The following CEP128 variants were observed in gnomAD, a reference collection of about 807,000 sequenced individuals.
CEP128 encodes centrosomal protein 128kDa.
Under a neutral mutation model 156.7 loss-of-function variants are expected in CEP128, and 132 were observed. The ratio of observed to expected loss-of-function variants is 0.84; its 90% CI spans 0.73 to 0.97. The LOEUF is 0.97. Among genes scored for constraint, CEP128 ranks in the 50% least tolerant of loss-of-function variants. The pLI is 0.00. For synonymous variants in CEP128, 469 were observed against 448.9 expected, an observed-to-expected ratio of 1.04 and a Z score of -0.57; for missense variants, 1,252 against 1,281.9, an observed-to-expected ratio of 0.98 and a Z score of 0.36.
chr14:80,713,296 G>A (rs1897480490), intron 19 of CEP128, among the ~76,000 whole-genome samples: 1 of 152,108 alleles, frequency 6.6e-6, no homozygotes, highest in East Asian at 1.9e-4. Flanking sequence ...TTCCTCTCCT[G>A]CTTCTAATTT....
chr14:80,568,168 G>C (rs780541381), intron 20 of CEP128, among the ~76,000 whole-genome samples: 7 of 152,154 alleles, frequency 4.6e-5, no homozygotes, highest in Non-Finnish European at 7.4e-5. Context: ...GGTCTAATGA[G>C]ACTCCCTGAG....
intron 13 of CEP128, among the ~76,000 whole-genome samples, chr14:80,810,424 T>C (rs1007982082): frequency 6.6e-6 from 1 of 150,848 alleles, no homozygotes; most frequent in Non-Finnish European, 1.5e-5. Context: ...TATACCTGAA[T>C]GTAATTAAAT....
At chr14:80,560,414 G>A (rs1281252831) in intron 20 of CEP128, among the ~76,000 whole-genome samples, 1 of 152,072 alleles carries the variant, frequency 6.6e-6, no homozygotes, top group Admixed American at 6.5e-5. Flanking sequence ...AACAGAGCAA[G>A]ACTACACCTC....
intron 19 of CEP128, among the ~76,000 whole-genome samples, chr14:80,670,447 C>T (rs1354013549): frequency 2.6e-5 from 4 of 152,050 alleles, no homozygotes; most frequent in African/African-American, 9.7e-5. Flanking sequence ...TACTACTCTG[C>T]CATAAAGAAA....
intron 20 of CEP128, among the ~76,000 whole-genome samples, chr14:80,568,127 G>C (rs941127781): frequency 5.9e-5 from 9 of 152,132 alleles, no homozygotes; most frequent in African/African-American, 2.2e-4. Flanking sequence ...TACACAAAGG[G>C]TTGTGTATCT....
intron 14 of CEP128, 120 bp from the exon 15 acceptor site, chr14:80,785,665 T>C: frequency 1.4e-6 from 1 of 714,526 alleles, no homozygotes; most frequent in African/African-American, 1.8e-5. Flanking sequence ...ATTCATCAAA[T>C]AATTTTTGTA....
rs145289182 is a variant in CEP128, at chr14:80,822,307, G to A, written c.1209+8836C>T. Reference sequence around the variant, plus strand: ...TAGTTACTTCCTAGATACAATGGGGGTACAGGCATTGAGTAAATACAGCCA... The same window carrying A: ...TAGTTACTTCCTAGATACAATGGGGATACAGGCATTGAGTAAATACAGCCA... On this transcript the variant is annotated intron_variant, in intron 13 of 24. Transcript: ENST00000555265. 6.1e-3 allele frequency among the ~76,000 whole-genome samples: 931 copies of A among 152,244 alleles called. 19 individuals are homozygous for A. The highest frequency in any genetic ancestry group is 0.021 in the African/African-American group (892 of 41,536).
chr14:80,802,382 C>T (rs1350774843), intron 13 of CEP128, among the ~76,000 whole-genome samples: 5 of 152,118 alleles, frequency 3.3e-5, no homozygotes, highest in Admixed American at 6.5e-5. Context: ...ATCGTGTCCT[C>T]TGCAGGGATC....
At chr14:80,748,661 A>C (rs2139626236) in intron 18 of CEP128, among the ~76,000 whole-genome samples, 1 of 152,290 alleles carries the variant, frequency 6.6e-6, no homozygotes, top group East Asian at 1.9e-4. Flanking sequence ...ATAATAGCCA[A>C]GTTTCTAACT....
At chr14:80,554,914 T>C (rs1176886278) in intron 21 of CEP128, among the ~76,000 whole-genome samples, 1 of 152,124 alleles carries the variant, frequency 6.6e-6, no homozygotes, top group Non-Finnish European at 1.5e-5. Context: ...TCCCTTGATT[T>C]TGCTCTTTCC....
intron 19 of CEP128, among the ~76,000 whole-genome samples, chr14:80,694,114 T>G (rs1896807250): frequency 6.6e-6 from 1 of 152,016 alleles, no homozygotes; most frequent in Non-Finnish European, 1.5e-5. Context: ...AACAGACACT[T>G]CTCAAAACAA....
intron 13 of CEP128, among the ~76,000 whole-genome samples, chr14:80,803,463 C>G (rs1017364752): frequency 2.0e-5 from 3 of 151,374 alleles, no homozygotes; most frequent in African/African-American, 7.3e-5. Context: ...AAAAAAGAGA[C>G]AGAAACAGAG....
intron 2 of CEP128, among the ~76,000 whole-genome samples, chr14:80,953,505 A>T (rs1355776308): frequency 2.6e-5 from 4 of 152,204 alleles, no homozygotes; most frequent in Non-Finnish European, 5.9e-5. Context: ...GAATCCCTTG[A>T]GCCCGGGAGG....
At chr14:80,837,701 C>T (rs940829869) in intron 11 of CEP128, among the ~76,000 whole-genome samples, 2 of 152,090 alleles carry the variant, frequency 1.3e-5, no homozygotes, top group South Asian at 2.1e-4. Flanking sequence ...GGCAACAGAG[C>T]GAGACTGCGT....
intron 13 of CEP128, among the ~76,000 whole-genome samples, chr14:80,809,878 A>G (rs1884404150): frequency 6.6e-6 from 1 of 152,184 alleles, no homozygotes; most frequent in African/African-American, 2.4e-5. Flanking sequence ...AAAGGACAGC[A>G]GTTACCACAA....
chr14:80,578,023 A>G (rs1566790358), intron 20 of CEP128, among the ~76,000 whole-genome samples: 1 of 152,182 alleles, frequency 6.6e-6, no homozygotes, highest in East Asian at 1.9e-4. Context: ...ACCTACCTCA[A>G]TCGTACTTAA....
chr14:80,730,515 G>A (rs1016895635), intron 19 of CEP128, among the ~76,000 whole-genome samples: 4 of 152,156 alleles, frequency 2.6e-5, no homozygotes, highest in Non-Finnish European at 5.9e-5. Flanking sequence ...GGGAAAAGGA[G>A]GAAGAAACTG....
At chr14:80,935,556 CAATAAATAAATAAATAAATAAATA>C (rs59491221) in intron 2 of CEP128, among the ~76,000 whole-genome samples, 1 of 113,928 alleles carries the variant, frequency 8.8e-6, no homozygotes, top group Non-Finnish European at 1.7e-5. Context: ...GAGTCTGTCT[CAATAAATAAATAAATAAATAAATA>C]AATAAATAAA....
chr14:80,914,367 T>C lies in CEP128; in HGVS notation c.189A>G (p.Gly63=). 1 of 1,613,962 alleles carries C rather than the reference T, an allele frequency of 6.2e-7. No homozygotes were observed. Among genetic ancestry groups the C allele is most frequent in the East Asian group, 2.2e-5 (1 of 44,864 alleles). ...GTCCATTACTGTATTCTCGGTATCGTCCAAGCATCTGGTCCACTTGTCGCA... is the reference window on the plus strand; with the variant it reads ...GTCCATTACTGTATTCTCGGTATCGCCCAAGCATCTGGTCCACTTGTCGCA... ...RNLRQVDQML[G]RYREYSNGQA... The change falls in exon 4 of 25, where the codon GGA becomes GGG. Residue 63 remains glycine (G), a synonymous_variant. Coordinates refer to ENST00000555265, the MANE Select transcript of CEP128 (RefSeq NM_152446.5).
Sources: gnomAD v4.1 joint callset for allele counts (sites outside exome capture counted in the v4.1 genomes callset) on GRCh38, gnomAD v4.1.1 for gene constraint, MANE v1.5 for transcripts, NCBI Gene and HGNC (gene_info 2026-07-23, HGNC 2026-07-21) for gene names.